Variants in FBLN5 observed in about 807,000 individuals in gnomAD.
FBLN5 encodes the protein fibulin 5, also known as fibulin-5.
Under a neutral mutation model 61.6 loss-of-function variants are expected in FBLN5, and 24 were observed. That is an observed-to-expected ratio of 0.39 (90% CI 0.28 to 0.55). The LOEUF is 0.55. FBLN5 is among the 20% of genes least tolerant of loss of function. FBLN5 has a pLI of 0.65. For synonymous variants in FBLN5, 213 were observed against 219.8 expected (o/e 0.97, Z 0.27); for missense variants, 470 against 594.1 (o/e 0.79, Z 2.17).
intron 4 of FBLN5, among the ~76,000 whole-genome samples, chr14:91,932,682 T>TCTA (rs1012978936): frequency 6.6e-6 from 1 of 152,298 alleles, no homozygotes; most frequent in Non-Finnish European, 1.5e-5. Context: ...AGTCCCTAGA[T>TCTA]CTATGAGCAG....
chr14:91,885,431 G>C (rs1017091099), intron 7 of FBLN5, among the ~76,000 whole-genome samples: 2 of 152,188 alleles, frequency 1.3e-5, no homozygotes, highest in African/African-American at 4.8e-5. Flanking sequence ...GAAAAGTCCA[G>C]AGTGTTGTGG....
chr14:91,881,684 T>C (rs1392950165), intron 8 of FBLN5, among the ~76,000 whole-genome samples: 2 of 152,054 alleles, frequency 1.3e-5, no homozygotes, highest in South Asian at 2.1e-4. Context: ...TCCCGGTACA[T>C]TGGGAGGCTG....
chr14:91,930,481 TGCG>T (rs2055904449), intron 4 of FBLN5, among the ~76,000 whole-genome samples: 1 of 152,180 alleles, frequency 6.6e-6, no homozygotes, highest in South Asian at 2.1e-4. Flanking sequence ...TCTCTGGGCC[TGCG>T]TAGTCCCAAT....
chr14:91,912,594 G>A (rs1159215538), intron 4 of FBLN5, among the ~76,000 whole-genome samples: 1 of 152,100 alleles, frequency 6.6e-6, no homozygotes, highest in African/African-American at 2.4e-5. Flanking sequence ...GCAGTGAGTC[G>A]AGATTGTGCC....
At chr14:91,916,401 C>CT (rs763089702) in intron 4 of FBLN5, among the ~76,000 whole-genome samples, 18 of 152,154 alleles carry the variant, frequency 1.2e-4, no homozygotes, top group Non-Finnish European at 2.2e-4. Flanking sequence ...GAGAGGAGAT[C>CT]GCACCACTGC....
chr14:91,896,554 T>A (rs1339877957), intron 4 of FBLN5, among the ~76,000 whole-genome samples: 1 of 152,224 alleles, frequency 6.6e-6, no homozygotes, highest in African/African-American at 2.4e-5. Context: ...CACATCACCC[T>A]GTGAGGTGGG....
At chr14:91,933,469 T>C (rs1457154724) in intron 4 of FBLN5, among the ~76,000 whole-genome samples, 1 of 152,080 alleles carries the variant, frequency 6.6e-6, no homozygotes, top group African/African-American at 2.4e-5. Context: ...GGTTTCATCA[T>C]GTTGGCCAGG....
intron 4 of FBLN5, among the ~76,000 whole-genome samples, chr14:91,898,976 G>C (rs1479921624): frequency 1.3e-5 from 2 of 151,558 alleles, no homozygotes; most frequent in Admixed American, 6.6e-5. Flanking sequence ...TAATTTTTTT[G>C]TATTTTTAGT....
rs144288844 is a variant in FBLN5 at position 91,937,058 on chromosome 14, C to T, written c.268G>A (p.Gly90Ser). The T allele has an allele frequency of 4.9e-4, 795 of 1,613,708 alleles. No individual in the cohort carries two copies. Among genetic ancestry groups the T allele is most frequent in the Non-Finnish European group, 5.7e-4 (667 of 1,179,968 alleles). ...GGTGGGGCAGCTGCTGGGTACGGAC[C>T]TGAGTAGGGGGTCGAGTAGGGGTTC... ...YSNPYSTPYS[G>S]PYPAAAPPLS... is the part of the protein sequence containing the mutation. The change falls in exon 4 of 11, where the codon GGT (glycine) becomes AGT (serine). Residue 90 changes from glycine (G) to serine (S), a missense_variant. Coordinates refer to ENST00000342058, the MANE Select transcript of FBLN5 (RefSeq NM_006329.4).
chr14:91,946,762 G>A (rs751560478), intron 1 of FBLN5: 4 of 1,536,028 alleles, frequency 2.6e-6, no homozygotes, highest in South Asian at 2.4e-5. Flanking sequence ...ACTTCTGTGA[G>A]AATCCCACAC....
In FBLN5 at chr14:91,869,492, G is replaced by C. The variant is rs952194925; in HGVS notation, c.*732C>G. Reference sequence around the variant, plus strand: ...AAATTCTAAAGAAAGCAAGATTAAGGGGTCCTCAAAGAAAACACTGGGCTA... The same window carrying C: ...AAATTCTAAAGAAAGCAAGATTAAGCGGTCCTCAAAGAAAACACTGGGCTA... On this transcript the variant is annotated 3_prime_UTR_variant, in exon 11 of 11. Coordinates refer to ENST00000342058, the MANE Select transcript of FBLN5 (RefSeq NM_006329.4). The C allele has an allele frequency of 6.6e-6, 1 of 152,492 alleles. No homozygotes were observed. The highest frequency in any genetic ancestry group is 1.5e-5 in the Non-Finnish European group (1 of 68,314). 9.4% of individuals were successfully genotyped at this position (152,492 alleles called of 1,614,324 possible).
chr14:91,902,217 G>C (rs1890480694), intron 4 of FBLN5, among the ~76,000 whole-genome samples: 1 of 151,936 alleles, frequency 6.6e-6, no homozygotes, highest in African/African-American at 2.4e-5. Context: ...AAGATGTCCT[G>C]AGAGGAAGGG....
At chr14:91,903,515 C>T (rs189072642) in intron 4 of FBLN5, among the ~76,000 whole-genome samples, 2 of 152,320 alleles carry the variant, frequency 1.3e-5, no homozygotes, top group Admixed American at 6.5e-5. Flanking sequence ...TTTCTACATG[C>T]TGTGGATCCT....
intron 5 of FBLN5, 125 bp downstream of exon 5, chr14:91,894,825 C>CT: frequency 8.8e-5 from 41 of 468,092 alleles, no homozygotes; most frequent in East Asian, 1.2e-4. Flanking sequence ...CCTTCCACCC[C>CT]TCCCGCCCTC....
chr14:91,922,501 A>G (rs2055757284), intron 4 of FBLN5, among the ~76,000 whole-genome samples: 1 of 152,198 alleles, frequency 6.6e-6, no homozygotes, highest in Non-Finnish European at 1.5e-5. Context: ...TCATGGCAGT[A>G]ACCGCAGGAC....
chr14:91,932,824 G>GGAAA (rs2055948343), intron 4 of FBLN5, among the ~76,000 whole-genome samples: 1 of 152,148 alleles, frequency 6.6e-6, no homozygotes, highest in Non-Finnish European at 1.5e-5. Context: ...AAGTGGCCAG[G>GGAAA]GAAACAGTAA....
chr14:91,881,967 A>G (rs1889496745), intron 8 of FBLN5, among the ~76,000 whole-genome samples: 1 of 152,046 alleles, frequency 6.6e-6, no homozygotes, highest in South Asian at 2.1e-4. Flanking sequence ...TTAGCCTGGC[A>G]TGGTGGCATG....
intron 6 of FBLN5, among the ~76,000 whole-genome samples, chr14:91,890,860 G>T (rs565098216): frequency 6.6e-6 from 1 of 152,142 alleles, no homozygotes; most frequent in Non-Finnish European, 1.5e-5. Flanking sequence ...CCCTCCTCAG[G>T]CCTCAGGAAC....
intron 1 of FBLN5, chr14:91,946,715 A>G (rs983487846): frequency 6.5e-7 from 1 of 1,535,470 alleles, no homozygotes; most frequent in Non-Finnish European, 8.7e-7. Context: ...GCTTACATGT[A>G]TCTCTGTCTG....
Sources: gnomAD v4.1 joint callset for allele counts (sites outside exome capture counted in the v4.1 genomes callset) on GRCh38, gnomAD v4.1.1 for gene constraint, MANE v1.5 for transcripts, NCBI Gene and HGNC (gene_info 2026-07-23, HGNC 2026-07-21) for gene names.